SGMS1: variants seen among roughly 807,000 people sequenced by gnomAD.
SGMS1 encodes phosphatidylcholine:ceramide cholinephosphotransferase 1.
A neutral mutation model predicts 46.2 loss-of-function variants in SGMS1; 13 were observed. The observed-to-expected ratio is 0.28, with a 90% CI of 0.18 to 0.45. The LOEUF is 0.45. SGMS1 is among the 20% of genes least tolerant of loss of function. The pLI, the probability that SGMS1 is intolerant of heterozygous loss-of-function variation, is 1.00. For synonymous variants in SGMS1, 203 were observed against 187.8 expected, an observed-to-expected ratio of 1.08 and a Z score of -0.66; for missense variants, 324 against 519.9, an observed-to-expected ratio of 0.62 and a Z score of 3.66.
chr10:50,467,845 G>A (rs1837344144), intron 3 of SGMS1, among the ~76,000 whole-genome samples: 1 of 152,190 alleles, frequency 6.6e-6, no homozygotes, highest in South Asian at 2.1e-4. Context: ...ACATGTCTGA[G>A]GAAAAAGTTT....
chr10:50,613,439 T>A (rs754339676), intron 1 of SGMS1, among the ~76,000 whole-genome samples: 33 of 152,140 alleles, frequency 2.2e-4, no homozygotes, highest in Admixed American at 5.9e-4. Context: ...CCATAGGGGA[T>A]TTTCAACACA....
At chr10:50,380,893 A>G (rs142958739) in intron 6 of SGMS1, among the ~76,000 whole-genome samples, 11 of 152,082 alleles carry the variant, frequency 7.2e-5, no homozygotes, top group African/African-American at 2.7e-4. Flanking sequence ...GCAGTGGTGC[A>G]ATCACAGCTC....
At chr10:50,325,875 T>G (rs1480490305) in intron 8 of SGMS1, among the ~76,000 whole-genome samples, 1 of 152,200 alleles carries the variant, frequency 6.6e-6, no homozygotes, top group African/African-American at 2.4e-5. Context: ...GCTGAGAACA[T>G]GCTGCTTATC....
chr10:50,381,179 C>T (rs558826566), intron 6 of SGMS1, among the ~76,000 whole-genome samples: 2 of 150,542 alleles, frequency 1.3e-5, no homozygotes, highest in Admixed American at 1.3e-4. Flanking sequence ...TACTAATGAA[C>T]ATTAAAACAA....
intron 6 of SGMS1, among the ~76,000 whole-genome samples, chr10:50,382,388 A>T (rs1166409200): frequency 6.6e-6 from 1 of 152,176 alleles, no homozygotes; most frequent in African/African-American, 2.4e-5. Flanking sequence ...GAAAATAAGA[A>T]TTTAGGTCTA....
chr10:50,364,904 A>G, intron 6 of SGMS1, among the ~76,000 whole-genome samples: 1 of 152,130 alleles, frequency 6.6e-6, no homozygotes, highest in Non-Finnish European at 1.5e-5. Flanking sequence ...CATGGCCACT[A>G]TAAATAACCT....
At chr10:50,321,360 A>G (rs1194473912) in intron 8 of SGMS1, among the ~76,000 whole-genome samples, 1 of 152,206 alleles carries the variant, frequency 6.6e-6, no homozygotes, top group Non-Finnish European at 1.5e-5. Flanking sequence ...CTTTCAATAT[A>G]TCTTTAAAGA....
At chr10:50,325,211 AT>A (rs1281986332) in intron 8 of SGMS1, among the ~76,000 whole-genome samples, 15 of 152,362 alleles carry the variant, frequency 9.8e-5, no homozygotes, top group Admixed American at 9.8e-4. Context: ...TAATTATTGA[AT>A]CTGAGTGTTG....
chr10:50,541,047 G>A lies in SGMS1; in HGVS notation c.-588-21126C>T, dbSNP rs192610452. On this transcript the variant is annotated intron_variant, in intron 2 of 10. Coordinates refer to ENST00000361781, the MANE Select transcript of SGMS1 (RefSeq NM_147156.4). ...AGACCAAGATTCAGCTCTGATTGAA[G>A]TGCTTCAGATACATTCAATTAGAAA... Among the ~76,000 whole-genome samples the A allele has an allele frequency of 1.1e-3, 166 of 152,278 alleles. 1 individual carries two copies. Among genetic ancestry groups the A allele is most frequent in the African/African-American group, 3.9e-3 (162 of 41,558 alleles).
At chr10:50,447,177 G>T (rs1295598041) in intron 5 of SGMS1, among the ~76,000 whole-genome samples, 2 of 152,124 alleles carry the variant, frequency 1.3e-5, no homozygotes, top group African/African-American at 4.8e-5. Flanking sequence ...ATTCAAGGGA[G>T]AGAGACTCAA....
intron 2 of SGMS1, among the ~76,000 whole-genome samples, chr10:50,572,420 C>T (rs1015218001): frequency 9.9e-5 from 15 of 152,138 alleles, no homozygotes; most frequent in African/African-American, 3.6e-4. Context: ...AATTCCTTGC[C>T]TGTGAAATGA....
intron 1 of SGMS1, among the ~76,000 whole-genome samples, chr10:50,604,088 A>C (rs1362068172): frequency 6.6e-6 from 1 of 152,158 alleles, no homozygotes; most frequent in Non-Finnish European, 1.5e-5. Context: ...GCCTCAGTGC[A>C]AAAACGGCAC....
chr10:50,360,366 T>C (rs552617468), intron 6 of SGMS1, among the ~76,000 whole-genome samples: 2 of 152,330 alleles, frequency 1.3e-5, no homozygotes, highest in Non-Finnish European at 2.9e-5. Flanking sequence ...TTTCCTTCAA[T>C]ATCCATCCAT....
At chr10:50,366,141 C>A (rs112078797) in intron 6 of SGMS1, among the ~76,000 whole-genome samples, 38 of 152,168 alleles carry the variant, frequency 2.5e-4, no homozygotes, top group African/African-American at 8.9e-4. Context: ...AGTGAACAGG[C>A]AACCTACAGA....
At chr10:50,358,159 A>T (rs1347434631) in intron 6 of SGMS1, among the ~76,000 whole-genome samples, 1 of 151,980 alleles carries the variant, frequency 6.6e-6, no homozygotes, top group African/African-American at 2.4e-5. Flanking sequence ...TAATAATAAA[A>T]ACAAAAGCAA....
intron 2 of SGMS1, among the ~76,000 whole-genome samples, chr10:50,569,332 T>A (rs183812265): frequency 2.7e-5 from 4 of 149,050 alleles, no homozygotes; most frequent in Admixed American, 2.0e-4. Flanking sequence ...GGTTTAGACG[T>A]TCACTTTTTT....
intron 6 of SGMS1, among the ~76,000 whole-genome samples, chr10:50,364,176 A>G (rs1402703885): frequency 2.6e-5 from 4 of 152,142 alleles, no homozygotes; most frequent in African/African-American, 9.6e-5. Context: ...GCAATCTAGA[A>G]GCCCAAGATC....
chr10:50,571,822 C>T lies in SGMS1; in HGVS notation c.-589+18331G>A, dbSNP rs184300609. Among the ~76,000 whole-genome samples, 189 of 152,040 alleles carry T rather than the reference C, an allele frequency of 1.2e-3. 1 individual carries two copies. The highest frequency in any genetic ancestry group is 4.2e-3 in the South Asian group (20 of 4,800). ...TCTCATTTAATCCTTAAAATCACTC[C>T]GAGGCAAATGGCATCCTCATTTTGC... On this transcript the variant is annotated intron_variant, in intron 2 of 10. Transcript: ENST00000361781.
chr10:50,539,391 T>C (rs933641975), intron 2 of SGMS1, among the ~76,000 whole-genome samples: 11 of 152,368 alleles, frequency 7.2e-5, no homozygotes, highest in African/African-American at 2.4e-4. Context: ...TTTTATTGTA[T>C]AGTGTTGGCA....
Sources: allele counts gnomAD v4.1 joint callset (sites outside exome capture counted in the v4.1 genomes callset), GRCh38; gene constraint gnomAD v4.1.1; transcripts MANE v1.5; gene names NCBI Gene and HGNC (gene_info 2026-07-23, HGNC 2026-07-21).